Variants in LARGE1 observed in about 807,000 individuals in gnomAD.
The protein encoded by LARGE1 is xylosyl- and glucuronyltransferase LARGE1.
A neutral mutation model predicts 87.6 loss-of-function variants in LARGE1; 43 were observed. The ratio of observed to expected loss-of-function variants is 0.49; its 90% CI spans 0.38 to 0.63. The LOEUF is 0.63. LARGE1 is among the 30% of genes least tolerant of loss of function. The pLI is 0.00. For synonymous variants in LARGE1, 434 were observed against 394.6 expected, an observed-to-expected ratio of 1.10 and a Z score of -1.18; for missense variants, 802 against 1,000.2, an observed-to-expected ratio of 0.80 and a Z score of 2.67.
At chr22:33,562,463 T>C (rs1168540897) in intron 6 of LARGE1, among the ~76,000 whole-genome samples, 1 of 152,180 alleles carries the variant, frequency 6.6e-6, no homozygotes, top group Non-Finnish European at 1.5e-5. Context: ...GCCTAACAAA[T>C]GCTAGAAATA....
At chr22:33,653,900 T>C (rs1483563940) in intron 2 of LARGE1, among the ~76,000 whole-genome samples, 1 of 152,164 alleles carries the variant, frequency 6.6e-6, no homozygotes, top group Non-Finnish European at 1.5e-5. Context: ...GGGGTCATGG[T>C]TAATCCGTAA....
At chr22:33,390,819 G>A (rs1428048409) in intron 7 of LARGE1, among the ~76,000 whole-genome samples, 1 of 151,756 alleles carries the variant, frequency 6.6e-6, no homozygotes, top group South Asian at 2.1e-4. Flanking sequence ...TCAGCCTCCT[G>A]AGTAAGTAGG....
At chr22:33,311,751 G>A (rs1156276450) in intron 11 of LARGE1, among the ~76,000 whole-genome samples, 1 of 152,088 alleles carries the variant, frequency 6.6e-6, no homozygotes, top group East Asian at 1.9e-4. Flanking sequence ...ACATGCCTTC[G>A]TAAGGATGTT....
intron 2 of LARGE1, among the ~76,000 whole-genome samples, chr22:33,704,308 A>G (rs1172483405): frequency 6.6e-6 from 1 of 152,228 alleles, no homozygotes; most frequent in Non-Finnish European, 1.5e-5. Flanking sequence ...GGGTGTGCAG[A>G]CAGGGGAACT....
At chr22:33,719,218 G>A (rs1412278626) in intron 2 of LARGE1, among the ~76,000 whole-genome samples, 1 of 152,232 alleles carries the variant, frequency 6.6e-6, no homozygotes, top group African/African-American at 2.4e-5. Context: ...GAAGCTGAGT[G>A]TTACGACAAG....
chr22:33,305,645 C>T, intron 11 of LARGE1: 4 of 969,112 alleles, frequency 4.1e-6, no homozygotes, highest in Non-Finnish European at 4.9e-6. Flanking sequence ...AGGAAATGGG[C>T]ACACCTATCT....
chr22:33,444,282 T>A (rs911675142), intron 6 of LARGE1, among the ~76,000 whole-genome samples: 4 of 152,242 alleles, frequency 2.6e-5, no homozygotes, highest in African/African-American at 9.6e-5. Context: ...GACTGTAAAA[T>A]GAATTGTTAA....
chr22:33,412,416 C>T (rs929039919), intron 7 of LARGE1, among the ~76,000 whole-genome samples: 1 of 151,964 alleles, frequency 6.6e-6, no homozygotes, highest in African/African-American at 2.4e-5. Context: ...TGCAATAGTC[C>T]CACCATGGCA....
Position 33,900,485 on chromosome 22 carries a change from C to T in LARGE1, c.-83+19510G>A, listed in dbSNP as rs984340664. On this transcript the variant is annotated intron_variant, in intron 1 of 14. Coordinates refer to ENST00000397394, the MANE Select transcript of LARGE1 (RefSeq NM_133642.5). ...GCATCCGGCCATCACTCAGGGGATA[C>T]GATTTCTAGATTGCTTTCTCATTAA... 3.9e-5 allele frequency among the ~76,000 whole-genome samples: 6 copies of T among 152,130 alleles called. 1 individual carries two copies. The highest frequency in any genetic ancestry group is 4.1e-4 in the South Asian group (2 of 4,834).
At chr22:33,163,880 T>C (rs1299933812) in exon 12 of LARGE1, 1 of 152,242 alleles carries the variant, frequency 6.6e-6, no homozygotes, top group East Asian at 1.9e-4. Context: ...CATGCTTAAT[T>C]GTGTGGGCTA....
intron 9 of LARGE1, among the ~76,000 whole-genome samples, chr22:33,339,042 G>A (rs1022159744): frequency 4.6e-5 from 7 of 151,972 alleles, no homozygotes; most frequent in African/African-American, 1.7e-4. Context: ...CAGCTACTCA[G>A]GAGGCTGAGG....
chr22:33,644,145 C>T (rs1393581292), intron 3 of LARGE1, among the ~76,000 whole-genome samples: 1 of 152,100 alleles, frequency 6.6e-6, no homozygotes, highest in South Asian at 2.1e-4. Context: ...TGATGAACAT[C>T]AATGTGAAAA....
chr22:33,780,986 G>A (rs2085402269), intron 1 of LARGE1, among the ~76,000 whole-genome samples: 2 of 152,168 alleles, frequency 1.3e-5, no homozygotes, highest in African/African-American at 4.8e-5. Flanking sequence ...CTGCGATAGC[G>A]CACAAAGCTG....
intron 4 of LARGE1, among the ~76,000 whole-genome samples, chr22:33,617,590 G>T (rs1035917966): frequency 6.6e-6 from 1 of 152,096 alleles, no homozygotes; most frequent in Non-Finnish European, 1.5e-5. Context: ...ATACACTTGC[G>T]AGCACTGCCT....
At chr22:33,209,234 ACAGCTTT>A (rs1924839046) in intron 11 of LARGE1, among the ~76,000 whole-genome samples, 1 of 152,230 alleles carries the variant, frequency 6.6e-6, no homozygotes, top group Non-Finnish European at 1.5e-5. Context: ...TAAGCCCTTT[ACAGCTTT>A]CATTGCTTAA....
At chr22:33,476,828 T>C (rs952754213) in intron 6 of LARGE1, among the ~76,000 whole-genome samples, 1 of 151,054 alleles carries the variant, frequency 6.6e-6, no homozygotes, top group Admixed American at 6.6e-5. Context: ...GATGTCAGAG[T>C]GTGGATAACT....
intron 1 of LARGE1, among the ~76,000 whole-genome samples, chr22:33,813,274 A>T (rs1226750331): frequency 6.6e-6 from 1 of 150,986 alleles, no homozygotes; most frequent in Non-Finnish European, 1.5e-5. Flanking sequence ...AAAAAAAATT[A>T]GTGCCACTCT....
chr22:33,615,158 A>G (rs902810209), intron 4 of LARGE1, among the ~76,000 whole-genome samples: 1 of 152,194 alleles, frequency 6.6e-6, no homozygotes, highest in African/African-American at 2.4e-5. Flanking sequence ...ATGGAATCTT[A>G]GCATGGATGC....
chr22:33,652,961 G>A (rs558565249), intron 2 of LARGE1, among the ~76,000 whole-genome samples: 1 of 152,320 alleles, frequency 6.6e-6, no homozygotes, highest in Admixed American at 6.5e-5. Context: ...TAGGGGACGT[G>A]AAATCACAGG....
Sources: gnomAD v4.1 joint callset for allele counts (sites outside exome capture counted in the v4.1 genomes callset) on GRCh38, gnomAD v4.1.1 for gene constraint, MANE v1.5 for transcripts, NCBI Gene and HGNC (gene_info 2026-07-23, HGNC 2026-07-21) for gene names.